Variants in ATRNL1 observed in about 807,000 individuals in gnomAD.
ATRNL1 encodes the protein attractin-like protein 1.
Under a neutral mutation model 182.7 loss-of-function variants are expected in ATRNL1, and 95 were observed. That is an observed-to-expected ratio of 0.52 (90% CI 0.44 to 0.62). ATRNL1 has a LOEUF of 0.62. Ranked by LOEUF, ATRNL1 falls within the 20% of genes least tolerant of loss-of-function variation. The pLI, the probability that ATRNL1 is intolerant of heterozygous loss-of-function variation, is 0.00. For synonymous variants in ATRNL1, 576 were observed against 568.3 expected, an observed-to-expected ratio of 1.01 and a Z score of -0.19; for missense variants, 1,471 against 1,679.5, an observed-to-expected ratio of 0.88 and a Z score of 2.17.
intron 23 of ATRNL1, 71 bp from the exon 24 acceptor site, chr10:115,469,101 A>G: frequency 1.9e-6 from 1 of 535,762 alleles, no homozygotes; most frequent in Non-Finnish European, 2.9e-6. Context: ...ATTATAAAAA[A>G]CTATAATATG....
chr10:115,368,435 G>A (rs1857193619), intron 19 of ATRNL1, among the ~76,000 whole-genome samples: 4 of 152,294 alleles, frequency 2.6e-5, no homozygotes, highest in Admixed American at 2.0e-4. Context: ...GCACTCCCTA[G>A]TGAGATGAAC....
intron 19 of ATRNL1, among the ~76,000 whole-genome samples, chr10:115,342,166 T>G (rs144418146): frequency 1.6e-3 from 248 of 152,164 alleles, no homozygotes; most frequent in African/African-American, 5.6e-3. Flanking sequence ...CTTGTTTTTT[T>G]GTTTTGAGGT....
intron 26 of ATRNL1, among the ~76,000 whole-genome samples, chr10:115,645,519 T>A (rs1165684092): frequency 1.3e-5 from 2 of 148,372 alleles, no homozygotes; most frequent in East Asian, 1.9e-4. Context: ...TATAAAAAAA[T>A]ATATATCCCT....
At chr10:115,618,703 G>C (rs1857564343) in intron 26 of ATRNL1, among the ~76,000 whole-genome samples, 1 of 151,968 alleles carries the variant, frequency 6.6e-6, no homozygotes, top group Non-Finnish European at 1.5e-5. Flanking sequence ...TTACTTTGTA[G>C]AATTATTTAT....
At chr10:115,103,914 G>C (rs900375205) in intron 1 of ATRNL1, among the ~76,000 whole-genome samples, 1 of 152,106 alleles carries the variant, frequency 6.6e-6, no homozygotes, top group Non-Finnish European at 1.5e-5. Context: ...TTGTGTATAT[G>C]TACCACAGTT....
rs782311954 is a variant in ATRNL1, at chr10:115,315,660, C to T, written c.2961C>T (p.His987=). The part of the protein sequence containing the change: ...SRGPMKLIGM[H]HSEMVLDTNL... ...GACCAATGAAGCTTATTGGAATGCACCACAGTGAGATGGTTCTTGACACCA... is the reference window on the plus strand; with the variant it reads ...GACCAATGAAGCTTATTGGAATGCATCACAGTGAGATGGTTCTTGACACCA... Residue 987 remains histidine, a synonymous_variant, in exon 18 of 29, where the codon CAC becomes CAT. Coordinates refer to ENST00000355044, the MANE Select transcript of ATRNL1 (RefSeq NM_207303.4). The T allele has an allele frequency of 6.2e-6, 10 of 1,613,786 alleles. No individual in the cohort carries two copies. In the South Asian group the frequency reaches 7.7e-5, roughly 12 times the overall value.
chr10:115,722,415 C>A (rs1202419990), intron 26 of ATRNL1, among the ~76,000 whole-genome samples: 1 of 152,072 alleles, frequency 6.6e-6, no homozygotes, highest in Non-Finnish European at 1.5e-5. Context: ...GAACCTTGTG[C>A]CTTGAAGATT....
Position 115,519,296 on chromosome 10 carries a change from C to G in ATRNL1, c.3688C>G (p.Leu1230Val), listed in dbSNP as rs1554984630. ...AFSQHNTIMD[L>V]VQFFVTFFSC... ...CTCACAACACAATACAATCATGGAC[C>G]TTGTGCAGTTTTTTGTCACCTTCTT... Residue 1230 changes from leucine to valine, a missense_variant, in exon 25 of 29, where the codon CTT becomes GTT. Leu to Val is a conservative substitution (Grantham distance 32). Coordinates refer to ENST00000355044, the MANE Select transcript of ATRNL1 (RefSeq NM_207303.4). 1 of 1,610,214 alleles carries G rather than the reference C, an allele frequency of 6.2e-7. No homozygotes were observed. The highest frequency in any genetic ancestry group is 8.5e-7 in the Non-Finnish European group (1 of 1,178,516).
At chr10:115,934,016 G>T (rs1024136768) in intron 28 of ATRNL1, among the ~76,000 whole-genome samples, 1 of 152,118 alleles carries the variant, frequency 6.6e-6, no homozygotes, top group African/African-American at 2.4e-5. Context: ...CTTGCTAATG[G>T]CATGGGAACA....
At chr10:115,913,066 A>C (rs537337315) in intron 28 of ATRNL1, among the ~76,000 whole-genome samples, 1 of 152,244 alleles carries the variant, frequency 6.6e-6, no homozygotes, top group Non-Finnish European at 1.5e-5. Context: ...TGCTGGTAGC[A>C]TAGAATGCAG....
At position 115,370,955 on chromosome 10, in the gene ATRNL1, A is replaced by G. The variant is rs151145399; in HGVS notation, c.3176-23704A>G. 3.2e-3 allele frequency among the ~76,000 whole-genome samples: 488 copies of G among 152,256 alleles called. 2 individuals are homozygous for G. The highest frequency in any genetic ancestry group is 0.011 in the African/African-American group (469 of 41,562). On this transcript the variant is annotated intron_variant, in intron 19 of 28. Transcript: ENST00000355044. Reference sequence around the variant, plus strand: ...AGGGTCCCTCTGCTGTGTCCAGTCTAGGGACTTGGTTCCCTGCATCCTAGC... The same window carrying G: ...AGGGTCCCTCTGCTGTGTCCAGTCTGGGGACTTGGTTCCCTGCATCCTAGC...
intron 26 of ATRNL1, among the ~76,000 whole-genome samples, chr10:115,715,582 G>A (rs1263811121): frequency 2.0e-5 from 3 of 152,084 alleles, no homozygotes; most frequent in Admixed American, 1.3e-4. Context: ...GGATGGAATC[G>A]GGGTCAACAT....
At chr10:115,528,216 T>G (rs1851362421) in intron 25 of ATRNL1, among the ~76,000 whole-genome samples, 1 of 69,524 alleles carries the variant, frequency 1.4e-5, no homozygotes, top group Non-Finnish European at 3.3e-5. Context: ...ATTAGTTATT[T>G]TTTAAATGGG....
chr10:115,273,122 T>A (rs915202641), intron 13 of ATRNL1, among the ~76,000 whole-genome samples: 2 of 152,150 alleles, frequency 1.3e-5, no homozygotes, highest in East Asian at 3.9e-4. Flanking sequence ...TGTTGGTTTC[T>A]GCTACTGGCA....
chr10:115,094,791 A>G (rs188320497), intron 1 of ATRNL1, among the ~76,000 whole-genome samples: 1 of 152,354 alleles, frequency 6.6e-6, no homozygotes, highest in Non-Finnish European at 1.5e-5. Context: ...TACACACTCC[A>G]GAATGTGTAC....
At chr10:115,478,976 A>G (rs1413925955) in intron 24 of ATRNL1, among the ~76,000 whole-genome samples, 4 of 151,628 alleles carry the variant, frequency 2.6e-5, no homozygotes, top group South Asian at 2.1e-4. Context: ...TGTGAATTAC[A>G]TGCCAATCAA....
chr10:115,814,498 T>G (rs1189600896), intron 27 of ATRNL1, among the ~76,000 whole-genome samples: 1 of 152,182 alleles, frequency 6.6e-6, no homozygotes, highest in Non-Finnish European at 1.5e-5. Flanking sequence ...AATAAATTTT[T>G]GAAAGTACAA....
intron 28 of ATRNL1, among the ~76,000 whole-genome samples, chr10:115,895,790 G>A (rs1365333981): frequency 6.6e-6 from 1 of 152,224 alleles, no homozygotes; most frequent in Non-Finnish European, 1.5e-5. Context: ...CAAGAGTGAT[G>A]TGCAGAAGAG....
intron 9 of ATRNL1, among the ~76,000 whole-genome samples, chr10:115,237,081 C>T (rs1210798625): frequency 6.6e-6 from 1 of 152,092 alleles, no homozygotes; most frequent in Non-Finnish European, 1.5e-5. Flanking sequence ...ACATAATAGC[C>T]CATGTCTTTT....
Sources: allele counts gnomAD v4.1 joint callset (sites outside exome capture counted in the v4.1 genomes callset), GRCh38; gene constraint gnomAD v4.1.1; transcripts MANE v1.5; gene names NCBI Gene and HGNC (gene_info 2026-07-23, HGNC 2026-07-21).